Variants in SLC35F3 observed in about 807,000 individuals in gnomAD.
The protein encoded by SLC35F3 is solute carrier family 35 member F3, also known as putative thiamine transporter SLC35F3.
Under a neutral mutation model 49.9 loss-of-function variants are expected in SLC35F3, and 25 were observed. The ratio of observed to expected loss-of-function variants is 0.50; its 90% CI spans 0.37 to 0.70. The LOEUF is 0.70. SLC35F3 is among the 30% of genes least tolerant of loss of function. The probability of loss-of-function intolerance (pLI) is 0.00; values close to 1 mark genes in which losing one functional copy is unlikely to be tolerated. For synonymous variants in SLC35F3, 275 were observed against 265.4 expected (o/e 1.04, Z -0.35); for missense variants, 525 against 639.8 (o/e 0.82, Z 1.94).
intron 2 of SLC35F3, among the ~76,000 whole-genome samples, chr1:234,043,228 C>T (rs1207695517): frequency 6.6e-6 from 1 of 152,236 alleles, no homozygotes; most frequent in Non-Finnish European, 1.5e-5. Flanking sequence ...TATGCTCTTA[C>T]AGTAGCAGTT....
intron 3 of SLC35F3, among the ~76,000 whole-genome samples, chr1:234,240,120 G>T (rs1308598651): frequency 6.6e-6 from 1 of 152,184 alleles, no homozygotes; most frequent in Non-Finnish European, 1.5e-5. Context: ...ATAAAGTGAT[G>T]ATGATGATGT....
chr1:234,083,146 T>G (rs530620375), intron 2 of SLC35F3, among the ~76,000 whole-genome samples: 2 of 152,302 alleles, frequency 1.3e-5, no homozygotes, highest in East Asian at 3.9e-4. Context: ...ATGATAATGT[T>G]GGTTTGGGGC....
chr1:233,919,979 A>G (rs972378034), intron 2 of SLC35F3, among the ~76,000 whole-genome samples: 1 of 151,798 alleles, frequency 6.6e-6, no homozygotes, highest in Non-Finnish European at 1.5e-5. Context: ...GCTGCTTAGA[A>G]CCCTTGGTAG....
chr1:234,072,481 C>T (rs1258838414), intron 2 of SLC35F3, among the ~76,000 whole-genome samples: 1 of 152,134 alleles, frequency 6.6e-6, no homozygotes, highest in Non-Finnish European at 1.5e-5. Flanking sequence ...AGCAAATATA[C>T]AATTAAATAT....
chr1:233,939,630 T>C (rs1021629467), intron 2 of SLC35F3, among the ~76,000 whole-genome samples: 1 of 152,212 alleles, frequency 6.6e-6, no homozygotes, highest in Non-Finnish European at 1.5e-5. Context: ...AACGGCTGTG[T>C]TCCAGAGAGT....
intron 2 of SLC35F3, among the ~76,000 whole-genome samples, chr1:234,028,179 G>A (rs917577290): frequency 6.6e-6 from 1 of 152,162 alleles, no homozygotes; most frequent in Non-Finnish European, 1.5e-5. Context: ...GAGGGTCTTG[G>A]TCAAGGCTCC....
At chr1:233,956,804 G>T (rs901514008) in intron 2 of SLC35F3, among the ~76,000 whole-genome samples, 2 of 152,366 alleles carry the variant, frequency 1.3e-5, no homozygotes, top group Admixed American at 6.5e-5. Context: ...GGTGAGAATG[G>T]CGGAGGCGGG....
At chr1:234,059,542 C>G (rs1342557721) in intron 2 of SLC35F3, among the ~76,000 whole-genome samples, 1 of 151,872 alleles carries the variant, frequency 6.6e-6, no homozygotes, top group East Asian at 1.9e-4. Flanking sequence ...TCAGGGTTCT[C>G]TTAGAGGGAC....
At chr1:233,918,844 T>G (rs1003158805) in intron 2 of SLC35F3, among the ~76,000 whole-genome samples, 53 of 150,090 alleles carry the variant, frequency 3.5e-4, no homozygotes, top group Non-Finnish European at 5.6e-4. Flanking sequence ...ATTTGTGTGT[T>G]TGTGTGTGTG....
chr1:234,276,780 GAAAA>G (rs2102978485), intron 3 of SLC35F3, among the ~76,000 whole-genome samples: 1 of 152,220 alleles, frequency 6.6e-6, no homozygotes, highest in South Asian at 2.1e-4. Flanking sequence ...AGGTGCCAAA[GAAAA>G]AATAAAATGT....
At chr1:234,283,094 T>C (rs899794786) in intron 3 of SLC35F3, among the ~76,000 whole-genome samples, 9 of 151,790 alleles carry the variant, frequency 5.9e-5, no homozygotes, top group African/African-American at 2.2e-4. Context: ...AGCACATGAG[T>C]AGCATCAGGG....
At chr1:234,054,625 G>A (rs1664428155) in intron 2 of SLC35F3, among the ~76,000 whole-genome samples, 1 of 152,174 alleles carries the variant, frequency 6.6e-6, no homozygotes, top group Non-Finnish European at 1.5e-5. Context: ...CCGATTGTCT[G>A]AAGCCTTCTT....
chr1:233,938,687 TG>T lies in SLC35F3; in HGVS notation c.283+32931del, dbSNP rs1351659328. On this transcript the variant is annotated intron_variant, in intron 2 of 7. Coordinates refer to ENST00000366618, the MANE Select transcript of SLC35F3 (RefSeq NM_173508.4). ...ATGGATTGGTGGGTGGATGGATGGATGGATGGATGGATGAATGGATGGATGG... is the reference window on the plus strand; with the variant it reads ...ATGGATTGGTGGGTGGATGGATGGATGATGGATGGATGAATGGATGGATGG... 3.3e-5 allele frequency among the ~76,000 whole-genome samples: 5 copies of T among 151,250 alleles called. No individual in the cohort carries two copies. The South Asian group carries it at 6.3e-4, about 19-fold the overall frequency.
At chr1:234,262,997 G>A (rs1361144892) in intron 3 of SLC35F3, among the ~76,000 whole-genome samples, 1 of 152,228 alleles carries the variant, frequency 6.6e-6, no homozygotes, top group Non-Finnish European at 1.5e-5. Flanking sequence ...ATCCGGAGCA[G>A]ATATGCCAGT....
At chr1:234,139,964 TA>T (rs1388013475) in intron 2 of SLC35F3, among the ~76,000 whole-genome samples, 7 of 128,520 alleles carry the variant, frequency 5.4e-5, no homozygotes, top group Non-Finnish European at 9.9e-5. Context: ...TAAAATAAAA[TA>T]AAATAAAATA....
chr1:233,941,144 C>T (rs1662414272), intron 2 of SLC35F3, among the ~76,000 whole-genome samples: 1 of 152,098 alleles, frequency 6.6e-6, no homozygotes. Flanking sequence ...ACTAAGGTGC[C>T]GAGTCTCTGT....
At chr1:234,059,350 T>G (rs901706188) in intron 2 of SLC35F3, among the ~76,000 whole-genome samples, 3 of 152,296 alleles carry the variant, frequency 2.0e-5, no homozygotes, top group South Asian at 2.1e-4. Flanking sequence ...TCCACATATT[T>G]TTTTTTCATT....
chr1:234,108,198 GAT>G (rs1665313428), intron 2 of SLC35F3, among the ~76,000 whole-genome samples: 1 of 96,486 alleles, frequency 1.0e-5, no homozygotes, highest in Non-Finnish European at 2.0e-5. Context: ...ATATATAAAA[GAT>G]ATATATATTT....
intron 2 of SLC35F3, among the ~76,000 whole-genome samples, chr1:234,135,988 G>T (rs962570045): frequency 5.9e-5 from 9 of 152,158 alleles, no homozygotes; most frequent in African/African-American, 2.2e-4. Flanking sequence ...AGGGCACTGG[G>T]GATGAGAATA....
Sources: gnomAD v4.1 joint callset for allele counts (sites outside exome capture counted in the v4.1 genomes callset) on GRCh38, gnomAD v4.1.1 for gene constraint, MANE v1.5 for transcripts, NCBI Gene and HGNC (gene_info 2026-07-23, HGNC 2026-07-21) for gene names.